Variants in SGCZ observed in about 807,000 individuals in gnomAD.
SGCZ encodes the protein sarcoglycan zeta.
A neutral mutation model predicts 41.3 loss-of-function variants in SGCZ; 40 were observed. That is an observed-to-expected ratio of 0.97 (90% CI 0.75 to 1.26). The LOEUF (loss-of-function observed/expected upper bound fraction) is 1.26, where lower values mean the gene tolerates loss of function less well. Among genes scored for constraint, SGCZ ranks in the 50% most tolerant of loss-of-function variants. The pLI, the probability that SGCZ is intolerant of heterozygous loss-of-function variation, is 0.00. For synonymous variants in SGCZ, 206 were observed against 137.5 expected, an observed-to-expected ratio of 1.50 and a Z score of -3.49; for missense variants, 552 against 369.8, an observed-to-expected ratio of 1.49 and a Z score of -4.04.
chr8:14,278,064 C>T (rs1800297424), intron 3 of SGCZ, among the ~76,000 whole-genome samples: 1 of 152,096 alleles, frequency 6.6e-6, no homozygotes, highest in Non-Finnish European at 1.5e-5. Flanking sequence ...GCAGTTCCAA[C>T]ACTCACCTTT....
intron 1 of SGCZ, among the ~76,000 whole-genome samples, chr8:14,613,407 A>G (rs1805992742): frequency 6.6e-6 from 1 of 152,172 alleles, no homozygotes; most frequent in South Asian, 2.1e-4. Flanking sequence ...ACCCTAGTAT[A>G]ATATTGTCTC....
At chr8:14,601,538 C>T (rs552967061) in intron 1 of SGCZ, among the ~76,000 whole-genome samples, 1 of 151,790 alleles carries the variant, frequency 6.6e-6, no homozygotes, top group Non-Finnish European at 1.5e-5. Flanking sequence ...TTTATATGTT[C>T]GGAGACAGGA....
chr8:15,061,530 T>TAAA (rs56690396), intron 1 of SGCZ, among the ~76,000 whole-genome samples: 2,760 of 141,986 alleles, frequency 0.019, 60 homozygotes, highest in African/African-American at 0.046. Flanking sequence ...TTACAGTATA[T>TAAA]AAAAAAAAAA....
At chr8:14,643,232 C>T (rs768568462) in intron 1 of SGCZ, among the ~76,000 whole-genome samples, 1 of 151,478 alleles carries the variant, frequency 6.6e-6, no homozygotes, top group Admixed American at 6.6e-5. Flanking sequence ...CACCTTTGAA[C>T]GCTGTTGGGC....
intron 2 of SGCZ, among the ~76,000 whole-genome samples, chr8:14,340,571 A>G (rs1440313237): frequency 6.6e-6 from 1 of 152,070 alleles, no homozygotes; most frequent in Non-Finnish European, 1.5e-5. Flanking sequence ...ACCTTTATGT[A>G]CAAGCACAAG....
chr8:14,364,896 A>C (rs879478952), intron 2 of SGCZ, among the ~76,000 whole-genome samples: 1 of 152,118 alleles, frequency 6.6e-6, no homozygotes, highest in African/African-American at 2.4e-5. Context: ...AGTTCTTCTG[A>C]AACTTATTTA....
At chr8:14,190,014 C>CTTTTTTTTTTTTTTTT (rs71304966) in intron 4 of SGCZ, among the ~76,000 whole-genome samples, 10 of 100,200 alleles carry the variant, frequency 1.0e-4, no homozygotes, top group East Asian at 2.9e-4. Flanking sequence ...TTCTTTCTTT[C>CTTTTTTTTTTTTTTTT]TTTTTTTTTT....
intron 2 of SGCZ, among the ~76,000 whole-genome samples, chr8:14,339,408 G>A (rs1802621882): frequency 6.6e-6 from 1 of 152,128 alleles, no homozygotes; most frequent in African/African-American, 2.4e-5. Context: ...AAAACTCTTA[G>A]GACACAAATT....
chr8:14,715,459 T>A (rs35976922), intron 1 of SGCZ, among the ~76,000 whole-genome samples: 25,203 of 151,898 alleles, frequency 0.17, 2,366 homozygotes, highest in Admixed American at 0.27. Context: ...GCATAAAGGT[T>A]GCATGTACCA....
intron 2 of SGCZ, among the ~76,000 whole-genome samples, chr8:14,515,128 G>C (rs1001115792): frequency 1.3e-5 from 2 of 151,858 alleles, no homozygotes; most frequent in African/African-American, 2.4e-5. Flanking sequence ...TCTAGGTTAA[G>C]ACACCTGATT....
chr8:15,225,841 C>T (rs531908219), intron 1 of SGCZ, among the ~76,000 whole-genome samples: 3 of 152,180 alleles, frequency 2.0e-5, no homozygotes, highest in East Asian at 1.9e-4. Context: ...TAGAATCTGC[C>T]ACTTTGCAAA....
chr8:15,015,716 G>C (rs1330169981), intron 1 of SGCZ, among the ~76,000 whole-genome samples: 1 of 122,218 alleles, frequency 8.2e-6, no homozygotes. Context: ...AAAGAAAAAA[G>C]AAATATACAC....
At chr8:15,195,576 C>T (rs1453518758) in intron 1 of SGCZ, among the ~76,000 whole-genome samples, 1 of 152,106 alleles carries the variant, frequency 6.6e-6, no homozygotes, top group Non-Finnish European at 1.5e-5. Flanking sequence ...TATTTTTAAC[C>T]CTTTGGTGAC....
In SGCZ at chr8:14,546,103, T is replaced by C. The variant is rs73667306; in HGVS notation, c.234+8629A>G. Among the ~76,000 whole-genome samples the C allele has an allele frequency of 3.3e-5, 5 of 152,250 alleles. No individual in the cohort carries two copies. In the South Asian group the frequency reaches 1.0e-3, roughly 31 times the overall value. On this transcript the variant is annotated intron_variant, in intron 2 of 7. Transcript: ENST00000382080. The stretch of plus-strand genomic sequence containing the variant: ...ATGAGGAGCTGCATACGGAAGGGTA[T>C]AATGGAAGCAGTCTTGCAACATTAA...
At chr8:15,199,401 G>A (rs146186883) in intron 1 of SGCZ, among the ~76,000 whole-genome samples, 1 of 152,250 alleles carries the variant, frequency 6.6e-6, no homozygotes, top group African/African-American at 2.4e-5. Flanking sequence ...TATTTCTAAT[G>A]TTTAATTTTT....
intron 4 of SGCZ, among the ~76,000 whole-genome samples, chr8:14,196,553 T>C (rs1233357754): frequency 6.6e-6 from 1 of 152,132 alleles, no homozygotes. Flanking sequence ...GCAAGAGAAA[T>C]AAAAACCTAC....
intron 2 of SGCZ, among the ~76,000 whole-genome samples, chr8:14,376,642 TA>T (rs980688949): frequency 3.3e-5 from 5 of 151,634 alleles, no homozygotes; most frequent in East Asian, 1.9e-4. Flanking sequence ...GCATAGAAGC[TA>T]AAAAAAAGGA....
At chr8:14,112,750 C>G (rs1347650724) in intron 5 of SGCZ, among the ~76,000 whole-genome samples, 3 of 152,010 alleles carry the variant, frequency 2.0e-5, no homozygotes, top group Admixed American at 2.0e-4. Flanking sequence ...ATAACATGAT[C>G]TCTAAGGTAC....
intron 1 of SGCZ, among the ~76,000 whole-genome samples, chr8:14,986,409 C>G (rs1801826818): frequency 2.0e-5 from 3 of 152,044 alleles, no homozygotes; most frequent in African/African-American, 7.2e-5. Context: ...CTGATACGCA[C>G]AGCATTTTCA....
Sources: gnomAD v4.1 joint callset for allele counts (sites outside exome capture counted in the v4.1 genomes callset) on GRCh38, gnomAD v4.1.1 for gene constraint, MANE v1.5 for transcripts, NCBI Gene and HGNC (gene_info 2026-07-23, HGNC 2026-07-21) for gene names.